The following NFKB1 variants were observed in gnomAD, a reference collection of about 807,000 sequenced individuals.
NFKB1 encodes nuclear factor kappa B subunit 1.
A neutral mutation model predicts 105.1 loss-of-function variants in NFKB1; 9 were observed. The ratio of observed to expected loss-of-function variants is 0.09; its 90% CI spans 0.05 to 0.15. The LOEUF is 0.15. Among genes scored for constraint, NFKB1 ranks in the 10% least tolerant of loss-of-function variants. NFKB1 has a pLI of 1.00. For synonymous variants in NFKB1, 440 were observed against 442.2 expected (o/e 1.00, Z 0.06); for missense variants, 830 against 1,203.7 (o/e 0.69, Z 4.59).
intron 11 of NFKB1, 148 bp from the exon 12 acceptor site, chr4:102,593,277 C>A: frequency 1.3e-6 from 1 of 782,808 alleles, no homozygotes; most frequent in African/African-American, 1.7e-5. Flanking sequence ...TATAACGCTT[C>A]TTGAAATTTA....
chr4:102,502,003 G>C (rs1456809752), intron 1 of NFKB1: 2 of 152,334 alleles, frequency 1.3e-5, no homozygotes, highest in African/African-American at 2.4e-5. Flanking sequence ...GGGGCTAGTC[G>C]GCCGAAGGGC....
rs4648062 is a variant in NFKB1, at chr4:102,595,227, T to C, written c.1300+246T>C. ...CATGAACAGAGGAAAGAAAAGAGCATTGAAAAGAGACAACAGAGACCTGAC... is the reference window on the plus strand; with the variant it reads ...CATGAACAGAGGAAAGAAAAGAGCACTGAAAAGAGACAACAGAGACCTGAC... On this transcript the variant is annotated intron_variant, in intron 13 of 23. Transcript: ENST00000226574. Among the ~76,000 whole-genome samples the C allele has an allele frequency of 0.01, 1,538 of 152,306 alleles. 64 individuals carry two copies. In the East Asian group the frequency reaches 0.11, roughly 11 times the overall value.
chr4:102,601,980 A>G (rs1727193658), intron 16 of NFKB1, among the ~76,000 whole-genome samples: 1 of 151,968 alleles, frequency 6.6e-6, no homozygotes, highest in African/African-American at 2.4e-5. Context: ...CATCTTCCTC[A>G]TCCTCCTTGG....
intron 19 of NFKB1, among the ~76,000 whole-genome samples, chr4:102,609,796 C>T: frequency 6.6e-6 from 1 of 152,044 alleles, no homozygotes; most frequent in East Asian, 1.9e-4. Flanking sequence ...CCATTAAGTA[C>T]TCCTCTATTA....
intron 23 of NFKB1, among the ~76,000 whole-genome samples, chr4:102,614,771 G>T (rs1472478298): frequency 1.3e-5 from 2 of 151,950 alleles, no homozygotes; most frequent in African/African-American, 4.8e-5. Flanking sequence ...CACTCCCCTG[G>T]CTGGCTCTTC....
intron 4 of NFKB1, among the ~76,000 whole-genome samples, chr4:102,535,033 G>A (rs1193985799): frequency 6.6e-6 from 1 of 152,142 alleles, no homozygotes; most frequent in Non-Finnish European, 1.5e-5. Flanking sequence ...TTGGGGCATG[G>A]TTCTAGTTCT....
chr4:102,513,725 T>C (rs544465386), intron 1 of NFKB1, among the ~76,000 whole-genome samples: 6 of 152,218 alleles, frequency 3.9e-5, no homozygotes, highest in Admixed American at 3.9e-4. Context: ...CAGGATTTTT[T>C]GGGGATATTT....
At chr4:102,614,796 A>G (rs535058311) in intron 23 of NFKB1, among the ~76,000 whole-genome samples, 1 of 152,020 alleles carries the variant, frequency 6.6e-6, no homozygotes, top group South Asian at 2.1e-4. Flanking sequence ...CTCACCTTTT[A>G]AAGTCACAGC....
intron 8 of NFKB1, among the ~76,000 whole-genome samples, chr4:102,580,288 G>C (rs1206557920): frequency 6.6e-6 from 1 of 152,154 alleles, no homozygotes; most frequent in Admixed American, 6.5e-5. Context: ...CAGTCTCTCT[G>C]TGTTAGAGGG....
intron 1 of NFKB1, among the ~76,000 whole-genome samples, chr4:102,508,474 A>G (rs1739569994): frequency 1.3e-5 from 2 of 152,146 alleles, no homozygotes; most frequent in African/African-American, 4.8e-5. Context: ...TCAGCAATTG[A>G]TTTACGTAAA....
At chr4:102,608,327 C>T (rs759124522) in intron 19 of NFKB1, among the ~76,000 whole-genome samples, 3 of 152,184 alleles carry the variant, frequency 2.0e-5, no homozygotes, top group African/African-American at 2.4e-5. Context: ...CCCCTTGTGA[C>T]AAATACCATT....
intron 5 of NFKB1, among the ~76,000 whole-genome samples, chr4:102,547,899 T>C (rs1467303935): frequency 6.6e-6 from 1 of 152,160 alleles, no homozygotes; most frequent in Non-Finnish European, 1.5e-5. Flanking sequence ...TAACACATGA[T>C]TTCTTATGAA....
intron 14 of NFKB1, 34 bp downstream of exon 14, chr4:102,596,366 G>A: frequency 6.4e-7 from 1 of 1,556,416 alleles, no homozygotes; most frequent in Admixed American, 1.8e-5. Context: ...TCTGTTGGTT[G>A]GCTGGGGAGG....
chr4:102,584,889 TG>T, intron 11 of NFKB1, 69 bp downstream of exon 11: 1 of 1,438,746 alleles, frequency 7.0e-7, no homozygotes. Context: ...TGTTTTGTTT[TG>T]TTTTGTTTTG....
intron 1 of NFKB1, among the ~76,000 whole-genome samples, chr4:102,513,600 C>G (rs1472576356): frequency 6.6e-6 from 1 of 152,100 alleles, no homozygotes; most frequent in Non-Finnish European, 1.5e-5. Context: ...TATGATACAG[C>G]AATAATTTAG....
chr4:102,507,442 C>CT (rs979819208), intron 1 of NFKB1, among the ~76,000 whole-genome samples: 3 of 151,402 alleles, frequency 2.0e-5, no homozygotes, highest in Non-Finnish European at 4.4e-5. Context: ...TGAGATGAAC[C>CT]TTTTTTTTGT....
chr4:102,565,877 T>C (rs182688160), intron 5 of NFKB1, among the ~76,000 whole-genome samples: 1 of 152,294 alleles, frequency 6.6e-6, no homozygotes, highest in Admixed American at 6.5e-5. Context: ...GCTAAGGAGA[T>C]AGGGTGACCA....
chr4:102,603,739 T>G (rs1727421364), intron 16 of NFKB1, among the ~76,000 whole-genome samples: 1 of 152,240 alleles, frequency 6.6e-6, no homozygotes, highest in African/African-American at 2.4e-5. Flanking sequence ...TAATTTGGAT[T>G]ATTTGACAGT....
chr4:102,560,072 A>G (rs1233383002), intron 5 of NFKB1, among the ~76,000 whole-genome samples: 1 of 152,200 alleles, frequency 6.6e-6, no homozygotes, highest in African/African-American at 2.4e-5. Flanking sequence ...GAACATTTAT[A>G]AGACAGTGCA....
Sources: allele counts gnomAD v4.1 joint callset (sites outside exome capture counted in the v4.1 genomes callset), GRCh38; gene constraint gnomAD v4.1.1; transcripts MANE v1.5; gene names NCBI Gene and HGNC (gene_info 2026-07-23, HGNC 2026-07-21).